Variants in RALGAPA2 observed in about 807,000 individuals in gnomAD.
RALGAPA2 encodes the protein ral GTPase-activating protein subunit alpha-2.
RALGAPA2 carries 139 observed loss-of-function variants against 230.4 expected under a neutral mutation model. That is an observed-to-expected ratio of 0.60 (90% CI 0.53 to 0.69). The LOEUF is 0.69. Ranked by LOEUF, RALGAPA2 falls within the 30% of genes least tolerant of loss-of-function variation. The probability of loss-of-function intolerance (pLI) is 0.00; values close to 1 mark genes in which losing one functional copy is unlikely to be tolerated. For missense variants in RALGAPA2, 2,163 were observed against 2,276.0 expected, an observed-to-expected ratio of 0.95 and a Z score of 1.01; for synonymous variants, 847 against 837.8, an observed-to-expected ratio of 1.01 and a Z score of -0.19.
At chr20:20,467,308 T>C (rs974658557) in intron 37 of RALGAPA2, among the ~76,000 whole-genome samples, 5 of 152,218 alleles carry the variant, frequency 3.3e-5, no homozygotes, top group Admixed American at 1.3e-4. Context: ...TCCGGATACT[T>C]TGTCAACATA....
At chr20:20,443,591 G>C (rs2060791087) in intron 37 of RALGAPA2, among the ~76,000 whole-genome samples, 1 of 152,186 alleles carries the variant, frequency 6.6e-6, no homozygotes, top group African/African-American at 2.4e-5. Flanking sequence ...CTTTCTGCCT[G>C]TCAGGCTGCT....
intron 36 of RALGAPA2, among the ~76,000 whole-genome samples, chr20:20,492,269 A>T (rs569373140): frequency 3.5e-4 from 53 of 152,298 alleles, no homozygotes; most frequent in African/African-American, 1.3e-3. Flanking sequence ...CCCAGAGAAC[A>T]GTAAAATAAA....
chr20:20,645,383 G>T (rs2067179145), intron 4 of RALGAPA2, among the ~76,000 whole-genome samples: 1 of 151,802 alleles, frequency 6.6e-6, no homozygotes, highest in Admixed American at 6.6e-5. Flanking sequence ...CAAAGTGCTG[G>T]GATTACAGGT....
intron 23 of RALGAPA2, among the ~76,000 whole-genome samples, chr20:20,552,617 A>C (rs184041803): frequency 1.3e-5 from 2 of 152,356 alleles, no homozygotes. Flanking sequence ...ATGTGAATGC[A>C]GAGGAATACA....
At chr20:20,515,063 C>T (rs537485710) in intron 31 of RALGAPA2, among the ~76,000 whole-genome samples, 6 of 152,326 alleles carry the variant, frequency 3.9e-5, no homozygotes, top group African/African-American at 1.4e-4. Context: ...CCCATTTTGC[C>T]CCCTGCCCAC....
At chr20:20,427,002 A>C (rs2060396918) in intron 37 of RALGAPA2, among the ~76,000 whole-genome samples, 1 of 152,144 alleles carries the variant, frequency 6.6e-6, no homozygotes, top group African/African-American at 2.4e-5. Flanking sequence ...CAGTGAGGAA[A>C]AGTGTTCTGT....
chr20:20,658,397 T>C (rs138421338), intron 3 of RALGAPA2, among the ~76,000 whole-genome samples: 225 of 152,336 alleles, frequency 1.5e-3, no homozygotes, highest in African/African-American at 5.2e-3. Context: ...CTACCTTTAC[T>C]GGGACAAATA....
intron 33 of RALGAPA2, among the ~76,000 whole-genome samples, chr20:20,508,135 T>C (rs1240194648): frequency 1.3e-5 from 2 of 152,110 alleles, no homozygotes; most frequent in African/African-American, 4.8e-5. Context: ...CCAATGTGAG[T>C]GTGAGGAAAG....
chr20:20,492,508 T>C (rs555987215), intron 36 of RALGAPA2, among the ~76,000 whole-genome samples: 1 of 152,304 alleles, frequency 6.6e-6, no homozygotes, highest in African/African-American at 2.4e-5. Context: ...GTACAAAGCC[T>C]TCCCTTCCAC....
intron 16 of RALGAPA2, 23 bp from the exon 17 acceptor site, chr20:20,591,337 CAA>C: frequency 6.2e-7 from 1 of 1,603,402 alleles, no homozygotes; most frequent in African/African-American, 1.3e-5. Flanking sequence ...ACAAAACATG[CAA>C]AGTTACAGTT....
intron 24 of RALGAPA2, among the ~76,000 whole-genome samples, chr20:20,543,340 C>T (rs542521569): frequency 6.7e-4 from 102 of 152,142 alleles, no homozygotes; most frequent in South Asian, 1.7e-3. Flanking sequence ...CTACCAAGCC[C>T]GGCAGGAACT....
At chr20:20,546,572 G>T in intron 24 of RALGAPA2, 132 bp downstream of exon 24, 1 of 1,187,474 alleles carries the variant, frequency 8.4e-7, no homozygotes. Flanking sequence ...CAGCTGCCAG[G>T]GTATCTACCC....
chr20:20,655,325 T>A lies in RALGAPA2; in HGVS notation c.271-1738A>T, dbSNP rs574883026. On this transcript the variant is annotated intron_variant, in intron 3 of 39. Transcript: ENST00000202677. ...AAGAATATCAGTTAGCAAAAAAAAA[T>A]TTTTTAAATAAAAAAAAAAACCTTG... Among the ~76,000 whole-genome samples the A allele has an allele frequency of 4.6e-3, 697 of 151,552 alleles. 4 individuals are homozygous for A. The highest frequency in any genetic ancestry group is 7.2e-3 in the Non-Finnish European group (491 of 67,854).
At chr20:20,585,432 T>C (rs896877778) in intron 18 of RALGAPA2, among the ~76,000 whole-genome samples, 2 of 152,152 alleles carry the variant, frequency 1.3e-5, no homozygotes, top group African/African-American at 4.8e-5. Flanking sequence ...CTTAACCTTG[T>C]ATTAAATTCA....
chr20:20,520,982 T>G lies in RALGAPA2; in HGVS notation c.4019A>C (p.Lys1340Thr). The change falls in exon 31 of 40, where the codon AAG becomes ACG. Residue 1340 changes from lysine to threonine, a missense_variant. Transcript: ENST00000202677. ...ATGATACTGGACTGGCTCAGAGCTC[T>G]TCACATTTGCCAGTGGCAGGAAGGG... is the stretch of plus-strand genomic sequence containing the variant. Reference protein sequence around the residue: ...YDPFLPLANVKSSEPVQYHSS... With the variant: ...YDPFLPLANVTSSEPVQYHSS... 6.2e-7 allele frequency: 1 copy of G among 1,613,970 alleles called. No homozygotes were observed. The highest frequency in any genetic ancestry group is 1.1e-5 in the South Asian group (1 of 91,082).
intron 10 of RALGAPA2, 108 bp downstream of exon 10, chr20:20,629,255 C>A: frequency 2.3e-6 from 2 of 866,980 alleles, no homozygotes; most frequent in Non-Finnish European, 1.8e-6. Flanking sequence ...CTCACCAATT[C>A]TATTTGTTGG....
At chr20:20,554,716 C>T (rs1389946578) in intron 23 of RALGAPA2, among the ~76,000 whole-genome samples, 1 of 152,096 alleles carries the variant, frequency 6.6e-6, no homozygotes. Flanking sequence ...GTTGTCCAGG[C>T]AGGTCTCAAA....
intron 1 of RALGAPA2, among the ~76,000 whole-genome samples, chr20:20,687,758 A>G (rs1321257960): frequency 6.6e-6 from 1 of 152,222 alleles, no homozygotes; most frequent in Non-Finnish European, 1.5e-5. Context: ...GAAACTCAGT[A>G]CAGAACAGCC....
chr20:20,659,843 C>A, intron 3 of RALGAPA2: 1 of 681,810 alleles, frequency 1.5e-6, no homozygotes, highest in Non-Finnish European at 2.5e-6. Context: ...AAGAGGAAAG[C>A]TATTGTCCCT....
Sources: allele counts gnomAD v4.1 joint callset (sites outside exome capture counted in the v4.1 genomes callset), GRCh38; gene constraint gnomAD v4.1.1; transcripts MANE v1.5; gene names NCBI Gene and HGNC (gene_info 2026-07-23, HGNC 2026-07-21).